PWWP2B: variants seen among roughly 807,000 people sequenced by gnomAD.
PWWP2B encodes the protein PWWP domain-containing protein 2B.
In PWWP2B, 9 loss-of-function variants were observed where a neutral mutation model predicts 15.5. That is an observed-to-expected ratio of 0.58 (90% CI 0.35 to 1.02). The LOEUF (loss-of-function observed/expected upper bound fraction) is 1.02. Ranked by LOEUF, PWWP2B falls within the 50% of genes least tolerant of loss-of-function variation. The pLI, the probability that PWWP2B is intolerant of heterozygous loss-of-function variation, is 0.02. For missense variants in PWWP2B, 864 were observed against 865.3 expected, an observed-to-expected ratio of 1.00 and a Z score of 0.02; for synonymous variants, 474 against 403.6, an observed-to-expected ratio of 1.17 and a Z score of -2.09.
chr10:132,415,731 T>TCA (rs2069844661), intron 2 of PWWP2B, among the ~76,000 whole-genome samples: 1 of 146,506 alleles, frequency 6.8e-6, no homozygotes, highest in Non-Finnish European at 1.5e-5. Context: ...ACACATCCAC[T>TCA]CACACACATC....
intron 2 of PWWP2B, among the ~76,000 whole-genome samples, chr10:132,415,633 T>TCACACA (rs879312172): frequency 3.0e-5 from 4 of 132,660 alleles, no homozygotes; most frequent in African/African-American, 9.2e-5. Context: ...ACACATCCAC[T>TCACACA]CACACACCCA....
At chr10:132,410,531 C>G (rs945958544) in intron 2 of PWWP2B, among the ~76,000 whole-genome samples, 1 of 152,138 alleles carries the variant, frequency 6.6e-6, no homozygotes, top group South Asian at 2.1e-4. Flanking sequence ...GGGCTCGGGA[C>G]CTTGCCCGTC....
intron 2 of PWWP2B, among the ~76,000 whole-genome samples, chr10:132,412,352 C>G (rs2069792227): frequency 6.6e-6 from 1 of 152,232 alleles, no homozygotes; most frequent in Admixed American, 6.5e-5. Context: ...CAAATCCTTG[C>G]CCCTGACCCC....
intron 1 of PWWP2B, 102 bp from the exon 2 acceptor site, chr10:132,404,524 C>T: frequency 9.9e-7 from 1 of 1,010,132 alleles, no homozygotes; most frequent in Non-Finnish European, 1.5e-6. Flanking sequence ...GCTGCCCAGA[C>T]CTGCCGGAGC....
Position 132,405,486 on chromosome 10 carries a change from C to G in PWWP2B, c.986C>G (p.Pro329Arg), listed in dbSNP as rs758231375. 20 of 1,604,222 alleles carry G rather than the reference C, an allele frequency of 1.2e-5. No individual in the cohort carries two copies. In the East Asian group the frequency reaches 2.2e-4, roughly 18 times the overall value. The change falls in exon 2 of 3, where the codon CCG (proline) becomes CGG (arginine). Residue 329 changes from proline (P) to arginine (R), a missense_variant. Physicochemically the swap from Pro to Arg is moderately radical, Grantham distance 103. Around this residue, in one of 2 missense-constraint regions of PWWP2B, gnomAD observed 736 missense variants for 687.7 expected, o/e 1.07. Coordinates refer to ENST00000305233, the MANE Select transcript of PWWP2B (RefSeq NM_138499.4). Reference protein sequence around the residue: ...TRPVPAGADLPPPKIRLKPHR... With the variant: ...TRPVPAGADLRPPKIRLKPHR... Reference sequence around the variant, plus strand: ...CCTGTGCCGGCCGGCGCGGACCTGCCGCCCCCTAAGATCCGCCTGAAGCCC... The same window carrying G: ...CCTGTGCCGGCCGGCGCGGACCTGCGGCCCCCTAAGATCCGCCTGAAGCCC...
chr10:132,413,602 C>T (rs2069809460), intron 2 of PWWP2B, among the ~76,000 whole-genome samples: 1 of 152,260 alleles, frequency 6.6e-6, no homozygotes, highest in African/African-American at 2.4e-5. Flanking sequence ...GGCACCTCCG[C>T]AGCCCTGGGT....
intron 1 of PWWP2B, among the ~76,000 whole-genome samples, chr10:132,404,173 C>T (rs1291720589): frequency 6.6e-6 from 1 of 152,130 alleles, no homozygotes. Context: ...CTGAGTCCCC[C>T]AGCCCCTCGG....
chr10:132,408,767 C>A (rs150273316), intron 2 of PWWP2B, among the ~76,000 whole-genome samples: 4 of 152,360 alleles, frequency 2.6e-5, no homozygotes, highest in Non-Finnish European at 5.9e-5. Flanking sequence ...CAGCATCTAC[C>A]CATGAGAGAC....
intron 1 of PWWP2B, 120 bp from the exon 2 acceptor site, chr10:132,404,506 C>T (rs889502490): frequency 2.5e-6 from 2 of 809,602 alleles, no homozygotes; most frequent in Non-Finnish European, 4.2e-6. Context: ...GGACTCAGGG[C>T]ATGGCTCGCT....
intron 1 of PWWP2B, among the ~76,000 whole-genome samples, chr10:132,403,702 G>A (rs535901573): frequency 1.3e-5 from 2 of 152,366 alleles, no homozygotes; most frequent in Admixed American, 6.5e-5. Context: ...CCGGCCCAGC[G>A]AGTCCCAGGA....
Position 132,417,196 on chromosome 10 carries a change from C to A in PWWP2B, c.*152C>A. ...GCCTGGTGTGAGGCCCCCCGGGGACCGGCAGTGTGTCCAGGGAGGGGATGG... is the reference window on the plus strand; with the variant it reads ...GCCTGGTGTGAGGCCCCCCGGGGACAGGCAGTGTGTCCAGGGAGGGGATGG... On this transcript the variant is annotated 3_prime_UTR_variant, in exon 3 of 3. Coordinates refer to ENST00000305233, the MANE Select transcript of PWWP2B (RefSeq NM_138499.4). The A allele has an allele frequency of 8.8e-7, 1 of 1,135,838 alleles. No individual in the cohort carries two copies. Among genetic ancestry groups the A allele is most frequent in the Non-Finnish European group, 1.3e-6 (1 of 754,246 alleles). 70.4% of individuals were successfully genotyped at this position (1,135,838 alleles called of 1,614,324 possible).
At chr10:132,397,519 C>CG (rs1269942148) in intron 1 of PWWP2B, among the ~76,000 whole-genome samples, 168 bp downstream of exon 1, 3 of 145,374 alleles carry the variant, frequency 2.1e-5, no homozygotes, top group Admixed American at 1.4e-4. Flanking sequence ...GGCCGCCACT[C>CG]GGGGGGGCAA....
intron 2 of PWWP2B, among the ~76,000 whole-genome samples, chr10:132,414,829 G>T (rs2069822499): frequency 6.6e-6 from 1 of 152,208 alleles, no homozygotes; most frequent in South Asian, 2.1e-4. Context: ...AAGCCTCGTG[G>T]TGTGGAGGCA....
chr10:132,410,543 T>G (rs976212713), intron 2 of PWWP2B, among the ~76,000 whole-genome samples: 2 of 152,116 alleles, frequency 1.3e-5, no homozygotes, highest in African/African-American at 2.4e-5. Flanking sequence ...TTGCCCGTCC[T>G]GCACCTCAGC....
chr10:132,410,286 C>G (rs1283059108), intron 2 of PWWP2B, among the ~76,000 whole-genome samples: 1 of 151,644 alleles, frequency 6.6e-6, no homozygotes, highest in African/African-American at 2.4e-5. Flanking sequence ...CAGGGGAAAG[C>G]TCAGAGGCGG....
chr10:132,412,967 C>T (rs942457094), intron 2 of PWWP2B, among the ~76,000 whole-genome samples: 1 of 152,254 alleles, frequency 6.6e-6, no homozygotes, highest in Non-Finnish European at 1.5e-5. Flanking sequence ...GAGGCCAGCG[C>T]CAGTGTCCTG....
Position 132,397,354 on chromosome 10 carries a change from G to A in PWWP2B, c.125+3G>A, listed in dbSNP as rs2069551051. The A allele has an allele frequency of 1.6e-5, 22 of 1,338,408 alleles. No homozygotes were observed. Among genetic ancestry groups the A allele is most frequent in the Non-Finnish European group, 1.9e-5 (20 of 1,036,882 alleles). The allele number at this position is 1,338,408 out of a possible 1,614,324, so 82.9% of individuals were successfully genotyped here. A position where few individuals can be genotyped will look rare whatever the true frequency, so the allele number is the denominator to read the frequency against. On this transcript the variant is annotated splice_donor_region_variant and intron_variant, in intron 1 of 2. Transcript: ENST00000305233. Reference sequence around the variant, plus strand: ...ATCCTGCTGGACTGCACGAAAAAGTGAGCGGGGGCGCGGGCCGGGACACCC... The same window carrying A: ...ATCCTGCTGGACTGCACGAAAAAGTAAGCGGGGGCGCGGGCCGGGACACCC...
At chr10:132,412,365 C>G (rs927836842) in intron 2 of PWWP2B, among the ~76,000 whole-genome samples, 1 of 152,240 alleles carries the variant, frequency 6.6e-6, no homozygotes, top group Non-Finnish European at 1.5e-5. Context: ...CTGACCCCAC[C>G]GGGCTTCAAT....
chr10:132,399,839 C>T (rs2069592081), intron 1 of PWWP2B, among the ~76,000 whole-genome samples: 1 of 152,192 alleles, frequency 6.6e-6, no homozygotes, highest in Non-Finnish European at 1.5e-5. Flanking sequence ...GGCCTGAGGA[C>T]AGACGAGGCT....
Sources: gnomAD v4.1 joint callset for allele counts (sites outside exome capture counted in the v4.1 genomes callset) on GRCh38, gnomAD v4.1.1 for gene constraint, gnomAD v4.1.1 regional missense constraint, MANE v1.5 for transcripts, NCBI Gene and HGNC (gene_info 2026-07-23, HGNC 2026-07-21) for gene names.